The following GNE variants were observed in gnomAD, a reference collection of about 807,000 sequenced individuals.
GNE encodes the protein glucosamine (UDP-N-acetyl)-2-epimerase/N-acetylmannosamine kinase.
GNE carries 41 observed loss-of-function variants against 61.8 expected under a neutral mutation model. The ratio of observed to expected loss-of-function variants is 0.66; its 90% CI spans 0.52 to 0.86. GNE has a LOEUF of 0.86. GNE is among the 40% of genes least tolerant of loss of function. The probability of loss-of-function intolerance (pLI) is 0.00; values close to 1 mark genes in which losing one functional copy is unlikely to be tolerated. For missense variants in GNE, 608 were observed against 909.1 expected (o/e 0.67, Z 4.26); for synonymous variants, 264 against 326.4 (o/e 0.81, Z 2.06).
At chr9:36,227,631 TG>T (rs1316968549) in intron 6 of GNE, among the ~76,000 whole-genome samples, 173 bp from the exon 7 acceptor site, 1 of 152,140 alleles carries the variant, frequency 6.6e-6, no homozygotes, top group Non-Finnish European at 1.5e-5. Flanking sequence ...CCCAGCACTT[TG>T]GGGGGCTGAG....
At chr9:36,260,217 G>A (rs950560943), upstream of GNE, among the ~76,000 whole-genome samples, 5 of 150,114 alleles carry the variant, frequency 3.3e-5, no homozygotes, top group African/African-American at 1.2e-4. Context: ...GGAGTTCCAG[G>A]CAACAGTGAG....
At chr9:36,217,682 C>G (rs1452919538) in intron 11 of GNE, 82 bp from the exon 12 acceptor site, 22 of 847,364 alleles carry the variant, frequency 2.6e-5, no homozygotes, top group Non-Finnish European at 3.6e-5. Context: ...AAAGAGCCAG[C>G]AGCAGAAATG....
chr9:36,258,535 A>G (rs1587367410), upstream of GNE: 1 of 984,992 alleles, frequency 1.0e-6, no homozygotes, highest in African/African-American at 1.7e-5. Context: ...CCCTGACGCC[A>G]CCCGAGAGAG....
At chr9:36,242,736 T>C (rs1290420221) in intron 3 of GNE, among the ~76,000 whole-genome samples, 10 of 138,912 alleles carry the variant, frequency 7.2e-5, no homozygotes, top group Admixed American at 1.4e-4. Flanking sequence ...ATGCTTGTTT[T>C]TTTTTTTTTT....
intron 1 of GNE, among the ~76,000 whole-genome samples, chr9:36,253,720 T>C (rs1787380744): frequency 6.6e-6 from 1 of 152,212 alleles, no homozygotes; most frequent in East Asian, 1.9e-4. Flanking sequence ...CAAAGAGTTA[T>C]AAGAGCCCTA....
chr9:36,224,634 C>T (rs948068995), intron 7 of GNE, among the ~76,000 whole-genome samples: 2 of 151,864 alleles, frequency 1.3e-5, no homozygotes, highest in Non-Finnish European at 2.9e-5. Context: ...TTTGAGAGGC[C>T]GAGGCAGGTA....
intron 3 of GNE, among the ~76,000 whole-genome samples, chr9:36,239,712 A>T (rs1324688561): frequency 1.3e-5 from 2 of 151,848 alleles, no homozygotes; most frequent in Non-Finnish European, 2.9e-5. Flanking sequence ...AACTCAAATG[A>T]TCTGCCCGCC....
intron 9 of GNE, among the ~76,000 whole-genome samples, chr9:36,220,819 G>A (rs1828552451): frequency 6.6e-6 from 1 of 152,140 alleles, no homozygotes; most frequent in Admixed American, 6.6e-5. Context: ...TTGTTATGGC[G>A]TTTAGCAGTT....
Position 36,218,378 on chromosome 9 carries a change from A to G in GNE, c.1817-79T>C. On this transcript the variant is annotated intron_variant, in intron 10 of 11. Coordinates refer to ENST00000642385, the MANE Select transcript of GNE (RefSeq NM_005476.7). This position sits in a 1 kb window ranked among gnomAD's most constrained non-coding sequence, Gnocchi z 4.1. ...CTCACCACTGGGCCTGTGGAAAGCA[A>G]GCCCCTACATGGGAAGACGGTGTTT... 2.0e-6 allele frequency: 2 copies of G among 987,010 alleles called. No homozygotes were observed. The highest frequency in any genetic ancestry group is 3.3e-6 in the Non-Finnish European group (2 of 612,044). The allele number at this position is 987,010 out of a possible 1,614,324, so 61.1% of individuals were successfully genotyped here.
Position 36,214,827 on chromosome 9 carries a change from G to T in GNE, c.*2538C>A, listed in dbSNP as rs945932665. 1 of 152,138 alleles carries T rather than the reference G, an allele frequency of 6.6e-6. No individual in the cohort carries two copies. The highest frequency in any genetic ancestry group is 1.5e-5 in the Non-Finnish European group (1 of 68,034). 9.4% of individuals were successfully genotyped at this position (152,138 alleles called of 1,614,324 possible). A position where few individuals can be genotyped will look rare whatever the true frequency, so the allele number is the denominator to read the frequency against. On this transcript the variant is annotated 3_prime_UTR_variant, in exon 12 of 12. Coordinates refer to ENST00000642385, the MANE Select transcript of GNE (RefSeq NM_005476.7). ...CAATAACCAGGCCCTGGAGATTACTGCAGGGCTGGCAGAGTTTTAGGAATC... is the reference window on the plus strand; with the variant it reads ...CAATAACCAGGCCCTGGAGATTACTTCAGGGCTGGCAGAGTTTTAGGAATC...
intron 8 of GNE, 116 bp downstream of exon 8, chr9:36,223,257 C>G: frequency 9.8e-7 from 1 of 1,017,826 alleles, no homozygotes. Context: ...CAGACAGCAC[C>G]TAGAGCCATC....
intron 1 of GNE, chr9:36,267,876 G>A (rs1378299662): frequency 6.6e-6 from 1 of 152,130 alleles, no homozygotes; most frequent in Non-Finnish European, 1.5e-5. Context: ...CAGGCTGAGT[G>A]CAGTGGCTCA....
chr9:36,216,333 G>GTGTGTGTGTGTGTGTGTGTA lies in GNE; in HGVS notation c.*1031_*1032insTACACACACACACACACACA. ...TGGGGTTAGAGGAGGAAGGATGTGT[G>GTGTGTGTGTGTGTGTGTGTA]TGTGTGTGTGTGTGTGTGTGTAGAC... On this transcript the variant is annotated 3_prime_UTR_variant, in exon 12 of 12. Transcript: ENST00000642385. 1 of 413,246 alleles carries GTGTGTGTGTGTGTGTGTGTA rather than the reference G, an allele frequency of 2.4e-6. No homozygotes were observed. The highest frequency in any genetic ancestry group is 1.6e-5 in the South Asian group (1 of 60,672). 25.6% of individuals were successfully genotyped at this position (413,246 alleles called of 1,614,324 possible).
intron 3 of GNE, among the ~76,000 whole-genome samples, chr9:36,239,483 T>C (rs1829546197): frequency 6.6e-6 from 1 of 152,062 alleles, no homozygotes; most frequent in Non-Finnish European, 1.5e-5. Flanking sequence ...CTCTTTTTTT[T>C]TTCTTTTTGA....
At chr9:36,258,271 G>A (rs1213351866) in intron 1 of GNE, 50 bp downstream of exon 1, 1 of 958,092 alleles carries the variant, frequency 1.0e-6, no homozygotes, top group African/African-American at 1.8e-5. Context: ...GCGGCCCTGG[G>A]GGTGGGCAGG....
At position 36,227,247 on chromosome 9, in the gene GNE, C is replaced by T. The variant is rs757251536; in HGVS notation, c.1281+1G>A. ...AGTTAGGAGTTTAGGAGTTATTTTA[C>T]CTTCATGCTGACTATTGCAACTCGG... On this transcript the variant is annotated splice_donor_variant, in intron 7 of 11. Transcript: ENST00000642385. LOFTEE classifies it high-confidence loss of function. 2 of 1,601,898 alleles carry T rather than the reference C, an allele frequency of 1.2e-6. No individual in the cohort carries two copies. Among genetic ancestry groups the T allele is most frequent in the Non-Finnish European group, 8.6e-7 (1 of 1,168,992 alleles).
At chr9:36,260,868 C>CAAAAAAAAA (rs745821430), upstream of GNE, among the ~76,000 whole-genome samples, 5 of 96,038 alleles carry the variant, frequency 5.2e-5, no homozygotes, top group African/African-American at 1.1e-4. Context: ...GACTCTATCT[C>CAAAAAAAAA]AAAAAAAAAA....
rs185193000 is a variant in GNE at position 36,273,692 on chromosome 9, C to T, written c.51+3202G>A. On this transcript the variant is annotated intron_variant, in intron 1 of 11. Coordinates refer to the GNE transcript ENST00000396594. ...TTTTTTTTTGAGACAGAGTCTCACT[C>T]TGTTGCCCAGGCTGGAGTGCAATGG... 1.6e-3 allele frequency among the ~76,000 whole-genome samples: 238 copies of T among 146,914 alleles called. 1 individual carries two copies. Among genetic ancestry groups the T allele is most frequent in the African/African-American group, 5.5e-3 (218 of 39,290 alleles).
At chr9:36,236,257 G>T (rs986744018) in intron 4 of GNE, among the ~76,000 whole-genome samples, 3 of 151,910 alleles carry the variant, frequency 2.0e-5, no homozygotes, top group Non-Finnish European at 2.9e-5. Flanking sequence ...CTAGTGTGCA[G>T]TGGCATGATC....
Sources: gnomAD v4.1 joint callset for allele counts (sites outside exome capture counted in the v4.1 genomes callset) on GRCh38, gnomAD v4.1.1 for gene constraint, Gnocchi (gnomAD v3.1) non-coding constraint, MANE v1.5 for transcripts, NCBI Gene and HGNC (gene_info 2026-07-23, HGNC 2026-07-21) for gene names.